The following CCDC40 variants were observed in gnomAD, a reference collection of about 807,000 sequenced individuals.
The protein encoded by CCDC40 is coiled-coil domain 40 molecular ruler complex subunit, also known as coiled-coil domain-containing protein 40.
CCDC40 carries 104 observed loss-of-function variants against 124.5 expected under a neutral mutation model. That is an observed-to-expected ratio of 0.84 (90% CI 0.71 to 0.98). The LOEUF (loss-of-function observed/expected upper bound fraction) is 0.98, where lower values mean the gene tolerates loss of function less well. Among genes scored for constraint, CCDC40 ranks in the 50% least tolerant of loss-of-function variants. CCDC40 has a pLI of 0.00. For missense variants in CCDC40, 1,463 were observed against 1,503.9 expected, an observed-to-expected ratio of 0.97 and a Z score of 0.45; for synonymous variants, 580 against 602.9, an observed-to-expected ratio of 0.96 and a Z score of 0.56.
At chr17:80,093,798 G>A (rs143724060) in intron 17 of CCDC40, among the ~76,000 whole-genome samples, 3,226 of 152,282 alleles carry the variant, frequency 0.021, 135 homozygotes, top group African/African-American at 0.074. Flanking sequence ...ACAGGCGTGA[G>A]CCACCGCACC....
At chr17:80,059,016 C>T (rs763148538) in intron 9 of CCDC40, 36 bp downstream of exon 9, 1 of 1,613,912 alleles carries the variant, frequency 6.2e-7, no homozygotes, top group Admixed American at 1.7e-5. Context: ...GTGTTCGACC[C>T]TCCAGTGAGT....
Position 80,084,866 on chromosome 17 carries a change from G to A in CCDC40, c.2113G>A (p.Val705Ile). 6.2e-7 allele frequency: 1 copy of A among 1,614,180 alleles called. No homozygotes were observed. The highest frequency in any genetic ancestry group is 8.5e-7 in the Non-Finnish European group (1 of 1,180,042). Residue 705 changes from valine to isoleucine, a missense_variant, in exon 13 of 20, where the codon GTC (valine) becomes ATC (isoleucine). Transcript: ENST00000397545. ...GGAGCTGGACCAGGACGTGAAGAAA[G>A]TCAACGAGCTCATCACCAACAGCCA... is the stretch of plus-strand genomic sequence containing the variant. Reference protein sequence around the residue: ...LVELDQDVKKVNELITNSQSE... With the variant: ...LVELDQDVKKINELITNSQSE...
intron 10 of CCDC40, among the ~76,000 whole-genome samples, chr17:80,079,450 C>T (rs2038395684): frequency 6.6e-6 from 1 of 152,096 alleles, no homozygotes; most frequent in Admixed American, 6.6e-5. Context: ...TAGAGTTATT[C>T]CATGTCAGAA....
chr17:80,067,391 T>G, intron 10 of CCDC40: 1 of 605,946 alleles, frequency 1.7e-6, no homozygotes. Context: ...GCCTAACTTG[T>G]GTGCAATTGC....
chr17:80,038,183 C>A lies in CCDC40; in HGVS notation c.90C>A (p.His30Gln). 1 of 1,598,544 alleles carries A rather than the reference C, an allele frequency of 6.3e-7. No individual in the cohort carries two copies. Among genetic ancestry groups the A allele is most frequent in the Non-Finnish European group, 8.6e-7 (1 of 1,166,502 alleles). ...EGEKEGNNES[H>Q]MVSPPEKDDG... ...AGAAGGAAGGGAATAATGAAAGCCA[C>A]ATGGTAAAATTCCCTATGGGCAGTT... Residue 30 changes from histidine (H) to glutamine (Q), a missense_variant, in exon 2 of 20, where the codon CAC becomes CAA. Physicochemically the swap from His to Gln is conservative, Grantham distance 24 (BLOSUM62 0). Transcript: ENST00000397545.
Position 80,082,055 on chromosome 17 carries a change from C to T in CCDC40, c.1986C>T (p.Asn662=). ...LILRLQKEKT[N]MMTHLSKING... ...TGAGGCTGCAGAAGGAGAAGACCAACATGGTAGGCCCCTGCCCCAGGGAGG... is the reference window on the plus strand; with the variant it reads ...TGAGGCTGCAGAAGGAGAAGACCAATATGGTAGGCCCCTGCCCCAGGGAGG... The change falls in exon 12 of 20, where the codon AAC becomes AAT. Residue 662 remains asparagine (N), a synonymous_variant. Transcript: ENST00000397545. 6.2e-7 allele frequency: 1 copy of T among 1,612,940 alleles called. No individual in the cohort carries two copies.
At chr17:80,036,771 C>A in intron 1 of CCDC40, 80 bp downstream of exon 1, 1 of 1,340,670 alleles carries the variant, frequency 7.5e-7, no homozygotes, top group Non-Finnish European at 9.9e-7. Context: ...GCCCCCGCGT[C>A]GGCTCCTGCC....
rs535461092 is a variant in CCDC40, at chr17:80,058,583, G to T, written c.1249G>T (p.Val417Leu). 2.5e-6 allele frequency: 4 copies of T among 1,614,050 alleles called. No homozygotes were observed. The highest frequency in any genetic ancestry group is 2.5e-6 in the Non-Finnish European group (3 of 1,179,992). ...IDQDMRDDIR[V>L]MTQVVKKAET... ...CCAGGACATGCGTGACGACATCCGC[G>T]TGATGACACAAGTGGTAAAGAAGGC... Residue 417 changes from valine (V) to leucine (L), a missense_variant, in exon 8 of 20, where the codon GTG becomes TTG. By Grantham distance (32) the Val-to-Leu change is conservative. Transcript: ENST00000397545. This position sits in a 1 kb window ranked among gnomAD's most constrained non-coding sequence, Gnocchi z 4.2.
chr17:80,054,356 T>G (rs945304042), intron 7 of CCDC40, among the ~76,000 whole-genome samples: 5 of 152,138 alleles, frequency 3.3e-5, no homozygotes, highest in Non-Finnish European at 7.3e-5. Context: ...CAAAAATCTG[T>G]TTTCCCTAAA....
At chr17:80,072,453 G>GT (rs2038216469) in intron 10 of CCDC40, among the ~76,000 whole-genome samples, 1 of 152,096 alleles carries the variant, frequency 6.6e-6, no homozygotes. Context: ...GTTTGTAACT[G>GT]TATCTTTTTA....
At chr17:80,056,014 A>ATTTTTTTTTTTTTT (rs1173801732) in intron 7 of CCDC40, among the ~76,000 whole-genome samples, 7 of 13,446 alleles carry the variant, frequency 5.2e-4, no homozygotes, top group Non-Finnish European at 7.4e-4. Flanking sequence ...ATATATATAT[A>ATTTTTTTTTTTTTT]TATTTTTTTT....
chr17:80,075,357 A>C (rs1329598116), intron 10 of CCDC40, among the ~76,000 whole-genome samples: 2 of 151,756 alleles, frequency 1.3e-5, no homozygotes, highest in Admixed American at 1.3e-4. Context: ...AGCTCACTGA[A>C]AACTCCACCT....
intron 3 of CCDC40, among the ~76,000 whole-genome samples, chr17:80,044,706 CA>C (rs72238955): frequency 0.26 from 19,312 of 73,836 alleles, 1,771 homozygotes; most frequent in East Asian, 0.41. Flanking sequence ...AACAAACAAA[CA>C]AAAAAAAAAA....
chr17:80,084,972 T>C lies in CCDC40; in HGVS notation c.2219T>C (p.Met740Thr). 6.2e-7 allele frequency: 1 copy of C among 1,613,782 alleles called. No individual in the cohort carries two copies. Among genetic ancestry groups the C allele is most frequent in the Non-Finnish European group, 8.5e-7 (1 of 1,180,022 alleles). Residue 740 changes from methionine to threonine, a missense_variant, in exon 13 of 20, where the codon ATG (methionine) becomes ACG (threonine). Met to Thr is a moderately conservative substitution (Grantham distance 81, BLOSUM62 -1). Coordinates refer to ENST00000397545, the MANE Select transcript of CCDC40 (RefSeq NM_017950.4). ...TTCCTCAACAAGCAGCTGGAGCGGA[T>C]GGTCTCCGAGCTGGGGGTGAGGTCC... The part of the protein sequence containing the change: ...INFLNKQLER[M>T]VSELGGEEVG...
At chr17:80,076,076 T>C (rs1043266426) in intron 10 of CCDC40, among the ~76,000 whole-genome samples, 2 of 152,208 alleles carry the variant, frequency 1.3e-5, no homozygotes, top group Admixed American at 6.5e-5. Flanking sequence ...TTGTTGAAAT[T>C]AACAAAGAAT....
chr17:80,085,215 G>A (rs890473034), intron 13 of CCDC40, among the ~76,000 whole-genome samples: 1 of 152,260 alleles, frequency 6.6e-6, no homozygotes, highest in African/African-American at 2.4e-5. Context: ...TGGTCTCTCT[G>A]GCAGTGACAC....
intron 9 of CCDC40, among the ~76,000 whole-genome samples, chr17:80,064,739 C>T (rs529364637): frequency 6.6e-6 from 1 of 151,872 alleles, no homozygotes; most frequent in East Asian, 2.0e-4. Context: ...CCCACGATGC[C>T]CCTAGACTTC....
At chr17:80,038,773 C>T (rs145981514) in intron 2 of CCDC40, among the ~76,000 whole-genome samples, 28 of 151,838 alleles carry the variant, frequency 1.8e-4, no homozygotes, top group African/African-American at 6.3e-4. Context: ...TGCAGTGAGC[C>T]GAGATTGTGC....
chr17:80,062,239 G>A (rs2037919235), intron 9 of CCDC40, among the ~76,000 whole-genome samples: 1 of 152,124 alleles, frequency 6.6e-6, no homozygotes. Context: ...CTGTGCATCA[G>A]AATACACTAC....
Sources: allele counts gnomAD v4.1 joint callset (sites outside exome capture counted in the v4.1 genomes callset), GRCh38; gene constraint gnomAD v4.1.1; non-coding constraint Gnocchi (gnomAD v3.1); transcripts MANE v1.5; gene names NCBI Gene and HGNC (gene_info 2026-07-23, HGNC 2026-07-21).